The following ARHGAP8 variants were observed in gnomAD, a reference collection of about 807,000 sequenced individuals.
ARHGAP8 encodes Rho GTPase activating protein 8.
ARHGAP8 carries 62 observed loss-of-function variants against 46.1 expected under a neutral mutation model. That is an observed-to-expected ratio of 1.34 (90% CI 1.10 to 1.66). The LOEUF (loss-of-function observed/expected upper bound fraction) is 1.66, where lower values mean the gene tolerates loss of function less well. Ranked by LOEUF, ARHGAP8 falls within the 40% of genes most tolerant of loss-of-function variation. The pLI, the probability that ARHGAP8 is intolerant of heterozygous loss-of-function variation, is 0.00. For missense variants in ARHGAP8, 923 were observed against 568.4 expected, an observed-to-expected ratio of 1.62 and a Z score of -6.34; for synonymous variants, 375 against 243.1, an observed-to-expected ratio of 1.54 and a Z score of -5.05.
chr22:44,753,007 C>A (rs1924368647), intron 1 of ARHGAP8, among the ~76,000 whole-genome samples: 2 of 151,954 alleles, frequency 1.3e-5, no homozygotes, highest in Admixed American at 1.3e-4. Flanking sequence ...TTTTTTGCTT[C>A]CGTCCTGGGG....
intron 1 of ARHGAP8, among the ~76,000 whole-genome samples, chr22:44,782,828 C>G (rs1426235376): frequency 6.6e-6 from 1 of 152,174 alleles, no homozygotes; most frequent in East Asian, 1.9e-4. Flanking sequence ...GCTCAGTCCC[C>G]GTCTCCAGCT....
At chr22:44,836,573 C>T (rs73892312) in intron 7 of ARHGAP8, among the ~76,000 whole-genome samples, 1 of 143,440 alleles carries the variant, frequency 7.0e-6, no homozygotes, top group African/African-American at 2.5e-5. Context: ...AGTAGGTCCT[C>T]AGTGCACAGT....
chr22:44,814,954 G>A (rs1408723344), intron 5 of ARHGAP8, among the ~76,000 whole-genome samples, 196 bp downstream of exon 5: 3 of 152,102 alleles, frequency 2.0e-5, no homozygotes, highest in African/African-American at 7.2e-5. Flanking sequence ...GTGCAGTGCC[G>A]GCCTTTGGCA....
intron 8 of ARHGAP8, among the ~76,000 whole-genome samples, chr22:44,846,216 A>G (rs546959247): frequency 1.3e-5 from 2 of 152,096 alleles, no homozygotes; most frequent in South Asian, 4.2e-4. Context: ...TCACATTTCC[A>G]TCTGGCGGGG....
intron 7 of ARHGAP8, among the ~76,000 whole-genome samples, chr22:44,827,611 A>G (rs1318749743): frequency 5.3e-5 from 8 of 152,004 alleles, no homozygotes; most frequent in East Asian, 3.9e-4. Flanking sequence ...CCAAAGTGCT[A>G]GGATTACAGG....
At chr22:44,861,791 T>C (rs917097410) in intron 11 of ARHGAP8, among the ~76,000 whole-genome samples, 1 of 152,048 alleles carries the variant, frequency 6.6e-6, no homozygotes, top group Non-Finnish European at 1.5e-5. Flanking sequence ...CGTGCTGGGG[T>C]TGCACGTGTT....
At chr22:44,769,577 T>G (rs990519118) in intron 1 of ARHGAP8, among the ~76,000 whole-genome samples, 3 of 152,232 alleles carry the variant, frequency 2.0e-5, no homozygotes, top group Non-Finnish European at 4.4e-5. Flanking sequence ...ATTGTGTCTT[T>G]TAATCCAGGA....
Position 44,764,764 on chromosome 22 carries a change from T to C in ARHGAP8, c.-72+12137T>C, listed in dbSNP as rs566070894. Among the ~76,000 whole-genome samples, 18 of 152,328 alleles carry C rather than the reference T, an allele frequency of 1.2e-4. No homozygotes were observed. In the East Asian group the frequency reaches 3.5e-3, roughly 29 times the overall value. On this transcript the variant is annotated intron_variant, in intron 1 of 11. Transcript: ENST00000356099. Reference sequence around the variant, plus strand: ...CCTGAGTGTGCGGAAAAGTCCTGCGTCAGTCAGTGTTCTCCAGGCCAACAG... The same window carrying C: ...CCTGAGTGTGCGGAAAAGTCCTGCGCCAGTCAGTGTTCTCCAGGCCAACAG...
At chr22:44,759,009 A>C (rs1169688815) in intron 1 of ARHGAP8, among the ~76,000 whole-genome samples, 1 of 152,220 alleles carries the variant, frequency 6.6e-6, no homozygotes, top group Non-Finnish European at 1.5e-5. Flanking sequence ...GGTAGGGATC[A>C]TGGCAGAGGC....
intron 1 of ARHGAP8, among the ~76,000 whole-genome samples, chr22:44,768,128 C>T (rs1602147949): frequency 6.8e-6 from 1 of 147,962 alleles, no homozygotes; most frequent in Non-Finnish European, 1.5e-5. Context: ...TCCTGAGTAA[C>T]TGGTATTATA....
At chr22:44,861,754 C>T (rs1468336865) in intron 11 of ARHGAP8, among the ~76,000 whole-genome samples, 1 of 152,184 alleles carries the variant, frequency 6.6e-6, no homozygotes, top group Non-Finnish European at 1.5e-5. Context: ...GATTCCTCAT[C>T]TGTAAGATGG....
At chr22:44,781,125 AGG>A in intron 1 of ARHGAP8, among the ~76,000 whole-genome samples, 1 of 152,132 alleles carries the variant, frequency 6.6e-6, no homozygotes, top group Admixed American at 6.6e-5. Flanking sequence ...AAATAACCAG[AGG>A]CGATCTTAAG....
intron 1 of ARHGAP8, among the ~76,000 whole-genome samples, chr22:44,784,460 G>A (rs1927069958): frequency 6.6e-6 from 1 of 152,152 alleles, no homozygotes; most frequent in Admixed American, 6.6e-5. Flanking sequence ...CATTTACATT[G>A]TATTTGGTAT....
chr22:44,861,327 G>A (rs1022494849), intron 11 of ARHGAP8, among the ~76,000 whole-genome samples: 15 of 152,254 alleles, frequency 9.9e-5, no homozygotes, highest in Middle Eastern at 3.4e-3. Context: ...CACCTCCATG[G>A]GCACCGATGT....
At chr22:44,820,161 T>C (rs1278468165) in intron 5 of ARHGAP8, among the ~76,000 whole-genome samples, 2 of 152,258 alleles carry the variant, frequency 1.3e-5, no homozygotes. Context: ...CCAGCAACTC[T>C]GCCGCACGCC....
chr22:44,822,356 C>A lies in ARHGAP8; in HGVS notation c.387-15C>A. On this transcript the variant is annotated splice_polypyrimidine_tract_variant and intron_variant, in intron 5 of 11. Coordinates refer to ENST00000356099, the MANE Select transcript of ARHGAP8 (RefSeq NM_181335.3). ...CGCCTAATCGTTCTTTATTCTCTTG[C>A]TTCTGCTTTCTTAGTCACAAGTTTG... The A allele has an allele frequency of 6.3e-7, 1 of 1,577,254 alleles. No homozygotes were observed. Among genetic ancestry groups the A allele is most frequent in the Non-Finnish European group, 8.6e-7 (1 of 1,166,894 alleles).
chr22:44,852,212 AAAAAAG>A (rs1181320640), intron 10 of ARHGAP8, among the ~76,000 whole-genome samples: 13 of 150,550 alleles, frequency 8.6e-5, no homozygotes, highest in South Asian at 8.4e-4. Context: ...AAAAAAAAAA[AAAAAAG>A]GAAGGGAGGA....
intron 1 of ARHGAP8, among the ~76,000 whole-genome samples, chr22:44,770,748 T>C (rs993873576): frequency 2.0e-5 from 3 of 152,198 alleles, no homozygotes; most frequent in South Asian, 4.1e-4. Flanking sequence ...ATGGGAGTAA[T>C]TGGGGAAGAT....
intron 3 of ARHGAP8, among the ~76,000 whole-genome samples, chr22:44,808,089 C>T (rs1324400309): frequency 6.6e-6 from 1 of 152,204 alleles, no homozygotes; most frequent in African/African-American, 2.4e-5. Context: ...CTACCACATC[C>T]ACTTACTAGC....
Sources: allele counts gnomAD v4.1 joint callset (sites outside exome capture counted in the v4.1 genomes callset), GRCh38; gene constraint gnomAD v4.1.1; transcripts MANE v1.5; gene names NCBI Gene and HGNC (gene_info 2026-07-23, HGNC 2026-07-21).